Variants in NFATC4 observed in about 807,000 individuals in gnomAD.
NFATC4 encodes the protein nuclear factor of activated T-cells, cytoplasmic 4.
Under a neutral mutation model 73.4 loss-of-function variants are expected in NFATC4, and 25 were observed. The observed-to-expected ratio is 0.34, with a 90% CI of 0.25 to 0.48. The LOEUF (loss-of-function observed/expected upper bound fraction) is 0.48. Ranked by LOEUF, NFATC4 falls within the 20% of genes least tolerant of loss-of-function variation. The pLI is 0.99. For synonymous variants in NFATC4, 523 were observed against 510.3 expected (o/e 1.02, Z -0.34); for missense variants, 1,130 against 1,203.7 (o/e 0.94, Z 0.91).
Position 24,369,687 on chromosome 14 carries a change from G to A in NFATC4, c.289G>A (p.Gly97Arg). 1 of 1,611,974 alleles carries A rather than the reference G, an allele frequency of 6.2e-7. No homozygotes were observed. Among genetic ancestry groups the A allele is most frequent in the Non-Finnish European group, 8.5e-7 (1 of 1,178,880 alleles). Reference protein sequence around the residue: ...SQPARSVRLGGPGGGAGGAGG... With the variant: ...SQPARSVRLGRPGGGAGGAGG... Reference sequence around the variant, plus strand: ...GCCCGCCAGGTCGGTGAGGCTGGGAGGACCAGGAGGGGGTGCTGGGGGTGC... The same window carrying A: ...GCCCGCCAGGTCGGTGAGGCTGGGAAGACCAGGAGGGGGTGCTGGGGGTGC... The change falls in exon 2 of 10, where the codon GGA (glycine) becomes AGA (arginine). Residue 97 changes from glycine to arginine, a missense_variant. Transcript: ENST00000250373.
At chr14:24,369,161 G>A (rs1213009222) in intron 1 of NFATC4, 3 of 1,474,284 alleles carry the variant, frequency 2.0e-6, no homozygotes, top group African/African-American at 2.8e-5. Context: ...TCATGTGTGA[G>A]TCGCCCCCAG....
At chr14:24,368,570 G>A (rs953331591) in intron 1 of NFATC4, 130 bp downstream of exon 1, 5 of 910,830 alleles carry the variant, frequency 5.5e-6, no homozygotes, top group African/African-American at 1.8e-5. Context: ...GAGTCGGGGG[G>A]ACTCGTTGGC....
Position 24,376,476 on chromosome 14 carries a change from C to A in NFATC4, c.2239C>A (p.Pro747Thr), listed in dbSNP as rs1293896165. The part of the protein sequence containing the change: ...LSEGFGYGMP[P>T]LYPQTGPPPS... ...AGAAGGCTTCGGCTATGGCATGCCC[C>A]CTCTGTACCCCCAGACGGGGCCCCC... Residue 747 changes from proline to threonine, a missense_variant, in exon 9 of 10, where the codon CCT (proline) becomes ACT (threonine). Coordinates refer to ENST00000250373, the MANE Select transcript of NFATC4 (RefSeq NM_004554.5). The surrounding 1 kb of genome is among the most constrained non-coding windows in gnomAD (Gnocchi z 5.0). 3 of 1,613,584 alleles carry A rather than the reference C, an allele frequency of 1.9e-6. No homozygotes were observed. The highest frequency in any genetic ancestry group is 2.5e-6 in the Non-Finnish European group (3 of 1,179,850).
chr14:24,372,765 C>A (rs1004043503), intron 3 of NFATC4, 162 bp downstream of exon 3: 8 of 815,660 alleles, frequency 9.8e-6, no homozygotes, highest in Non-Finnish European at 1.2e-5. Flanking sequence ...TGCAAGGACC[C>A]GGATATACTT....
In NFATC4 at chr14:24,374,332, G is replaced by A. The variant is rs374847716; in HGVS notation, c.1739G>A (p.Arg580His). The A allele has an allele frequency of 1.3e-5, 21 of 1,610,994 alleles. No homozygotes were observed. The highest frequency in any genetic ancestry group is 8.9e-5 in the East Asian group (4 of 44,854). Residue 580 changes from arginine (R) to histidine (H), a missense_variant, in exon 6 of 10, where the codon CGC (arginine) becomes CAC (histidine). Around this residue, in one of 3 missense-constraint regions of NFATC4, gnomAD observed 155 missense variants for 221.2 expected, o/e 0.70. Coordinates refer to ENST00000250373, the MANE Select transcript of NFATC4 (RefSeq NM_004554.5). ...TCCTTGCACTGCTCTGCAGCCCAGC[G>A]CTCAGCCCAGGAGCTGCCCCAGGTG... ...AASVPIECSQ[R>H]SAQELPQVEA...
chr14:24,375,748 CGGGGGT>C, intron 7 of NFATC4, 33 bp downstream of exon 7: 9 of 410,384 alleles, frequency 2.2e-5, no homozygotes, highest in Non-Finnish European at 3.0e-5. Context: ...TCCTGGGGGG[CGGGGGT>C]GGGAGAAGGC....
intron 5 of NFATC4, 64 bp from the exon 6 acceptor site, chr14:24,374,262 G>T (rs2042553280): frequency 6.4e-7 from 1 of 1,552,490 alleles, no homozygotes; most frequent in Non-Finnish European, 8.7e-7. Context: ...AAGAGGGTGG[G>T]GACAGAGGAG....
upstream of NFATC4, chr14:24,367,902 G>A: frequency 7.6e-7 from 1 of 1,316,674 alleles, no homozygotes; most frequent in Non-Finnish European, 9.7e-7. Context: ...AGGGGAGGTG[G>A]GGGCTGGGCT....
chr14:24,374,197 T>C, intron 5 of NFATC4, 129 bp from the exon 6 acceptor site: 1 of 1,183,368 alleles, frequency 8.5e-7, no homozygotes, highest in Non-Finnish European at 1.2e-6. Context: ...TACTGGTTTA[T>C]TTGTGTGTCT....
In NFATC4 at chr14:24,376,080, C is replaced by G. The variant is rs369894212; in HGVS notation, c.2035C>G (p.Gln679Glu). Residue 679 changes from glutamine (Q) to glutamate (E), a missense_variant, in exon 8 of 10, where the codon CAG (glutamine) becomes GAG (glutamate). Gln to Glu is a conservative substitution (Grantham distance 29). This residue lies in a region of NFATC4 where 390 missense variants were observed against 408.1 expected (regional missense o/e 0.96). Coordinates refer to ENST00000250373, the MANE Select transcript of NFATC4 (RefSeq NM_004554.5). This position sits in a 1 kb window ranked among gnomAD's most constrained non-coding sequence, Gnocchi z 5.0. ...TGGGCGGAGGAAACGCAGTCCTACCCAGAGTTTCAGGTTTCTGCCTGGTGC... is the reference window on the plus strand; with the variant it reads ...TGGGCGGAGGAAACGCAGTCCTACCGAGAGTTTCAGGTTTCTGCCTGGTGC... The part of the protein sequence containing the change: ...SNGRRKRSPT[Q>E]SFRFLPVICK... 44 of 1,613,918 alleles carry G rather than the reference C, an allele frequency of 2.7e-5. No homozygotes were observed. The highest frequency in any genetic ancestry group is 5.1e-6 in the Non-Finnish European group (6 of 1,179,964).
upstream of NFATC4, chr14:24,367,475 C>T (rs913061525): frequency 6.5e-7 from 1 of 1,535,642 alleles, no homozygotes; most frequent in East Asian, 2.4e-5. Context: ...TGGATCTACG[C>T]CCATCAAGGG....
At position 24,373,640 on chromosome 14, in the gene NFATC4, G is replaced by A. The variant is rs996396793; in HGVS notation, c.1560-55G>A. The A allele has an allele frequency of 1.7e-5, 26 of 1,567,330 alleles. No individual in the cohort carries two copies. The highest frequency in any genetic ancestry group is 1.7e-4 in the Middle Eastern group (1 of 5,728). ...GGCGGGAACTTCCCTCTTTAGGGAT[G>A]TATCACCATTTTGGCTTCAGCTAGG... On this transcript the variant is annotated intron_variant, in intron 4 of 9. Transcript: ENST00000250373. This position sits in a 1 kb window ranked among gnomAD's most constrained non-coding sequence, Gnocchi z 4.7.
intron 1 of NFATC4, chr14:24,369,261 G>T (rs2042394775): frequency 2.6e-6 from 4 of 1,541,122 alleles, no homozygotes; most frequent in Non-Finnish European, 3.5e-6. Flanking sequence ...AGACCCACTG[G>T]ATCGGGTACC....
In NFATC4 at chr14:24,373,691, C is replaced by G. The variant is rs1248904231; in HGVS notation, c.1560-4C>G. 1.2e-6 allele frequency: 2 copies of G among 1,601,520 alleles called. No individual in the cohort carries two copies. Among genetic ancestry groups the G allele is most frequent in the Non-Finnish European group, 1.7e-6 (2 of 1,172,216 alleles). ...AGGGCTTGCCATCCATCCTTTGCCT[C>G]CAGCATTGACTGCGCGGGAATCCTG... On this transcript the variant is annotated splice_polypyrimidine_tract_variant and splice_region_variant and intron_variant, in intron 4 of 9. Transcript: ENST00000250373. The surrounding 1 kb of genome is among the most constrained non-coding windows in gnomAD (Gnocchi z 4.7).
intron 2 of NFATC4, 150 bp from the exon 3 acceptor site, chr14:24,372,291 C>A: frequency 1.2e-6 from 1 of 820,104 alleles, no homozygotes; most frequent in Non-Finnish European, 1.8e-6. Flanking sequence ...ATTCTTTTTT[C>A]CCTTCTTTTC....
chr14:24,370,740 C>G, intron 2 of NFATC4, 146 bp downstream of exon 2: 1 of 1,171,260 alleles, frequency 8.5e-7, no homozygotes, highest in South Asian at 1.7e-5. Flanking sequence ...TGCCAACTAC[C>G]TGGTTTTAAA....
At position 24,368,425 on chromosome 14, in the gene NFATC4, G is replaced by A. The variant is rs2042365171; in HGVS notation, c.85G>A (p.Gly29Arg). ...EEKEAPPLGAGGLGEELDSED... is the reference protein window; with the variant it reads ...EEKEAPPLGARGLGEELDSED... The stretch of plus-strand genomic sequence containing the variant: ...AAAGGAGGCCCCCCCGCTGGGCGCG[G>A]GGGGATTGGGGGAAGGTTAGTGCTG... The change falls in exon 1 of 10, where the codon GGG becomes AGG. Residue 29 changes from glycine to arginine, a missense_variant. Around this residue, in one of 3 missense-constraint regions of NFATC4, gnomAD observed 585 missense variants for 574.3 expected, o/e 1.02. Coordinates refer to ENST00000250373, the MANE Select transcript of NFATC4 (RefSeq NM_004554.5). 1.5e-6 allele frequency: 2 copies of A among 1,343,894 alleles called. No homozygotes were observed. Among genetic ancestry groups the A allele is most frequent in the Admixed American group, 8.1e-5 (2 of 24,740 alleles). 83.2% of individuals were successfully genotyped at this position (1,343,894 alleles called of 1,614,324 possible). A position where few individuals can be genotyped will look rare whatever the true frequency, so the allele number is the denominator to read the frequency against.
intron 5 of NFATC4, 128 bp from the exon 6 acceptor site, chr14:24,374,198 T>G: frequency 1.7e-6 from 2 of 1,186,344 alleles, no homozygotes; most frequent in Non-Finnish European, 2.4e-6. Flanking sequence ...ACTGGTTTAT[T>G]TGTGTGTCTA....
chr14:24,372,479 GC>G lies in NFATC4; in HGVS notation c.1237del (p.Gln413AsnfsTer7). The stretch of plus-strand genomic sequence containing the variant: ...CCCCCACTGGACTGGCCTCTGCCCA[GC>G]CAATATGAGCAGCTGGAGCTGAGGA... The part of the protein sequence containing the change: ...ALPPLDWPLP[S>X]QYEQLELRIE... On this transcript the variant is annotated frameshift_variant, in exon 3 of 10. Transcript: ENST00000250373. LOFTEE classifies it high-confidence loss of function. 1 of 1,613,906 alleles carries G rather than the reference GC, an allele frequency of 6.2e-7. No individual in the cohort carries two copies. Among genetic ancestry groups the G allele is most frequent in the Non-Finnish European group, 8.5e-7 (1 of 1,180,010 alleles).
Sources: gnomAD v4.1 joint callset for allele counts on GRCh38, gnomAD v4.1.1 for gene constraint, gnomAD v4.1.1 regional missense constraint, Gnocchi (gnomAD v3.1) non-coding constraint, MANE v1.5 for transcripts, NCBI Gene and HGNC (gene_info 2026-07-23, HGNC 2026-07-21) for gene names.